SLC13A3: variants seen among roughly 807,000 people sequenced by gnomAD.
SLC13A3 encodes the protein solute carrier family 13 member 3.
In SLC13A3, 40 loss-of-function variants were observed where a neutral mutation model predicts 59.0. That is an observed-to-expected ratio of 0.68 (90% CI 0.53 to 0.88). SLC13A3 has a LOEUF of 0.88. Ranked by LOEUF, SLC13A3 falls within the 40% of genes least tolerant of loss-of-function variation. The probability of loss-of-function intolerance (pLI) is 0.00; values close to 1 mark genes in which losing one functional copy is unlikely to be tolerated. For missense variants in SLC13A3, 699 were observed against 783.2 expected, an observed-to-expected ratio of 0.89 and a Z score of 1.28; for synonymous variants, 317 against 330.3, an observed-to-expected ratio of 0.96 and a Z score of 0.44.
chr20:46,600,988 C>T (rs2062374794), intron 3 of SLC13A3, among the ~76,000 whole-genome samples: 1 of 152,012 alleles, frequency 6.6e-6, no homozygotes, highest in Non-Finnish European at 1.5e-5. Context: ...CTATGAAGAG[C>T]CCTGGGAAAA....
At chr20:46,636,349 C>T (rs147979794) in intron 1 of SLC13A3, among the ~76,000 whole-genome samples, 152 of 152,310 alleles carry the variant, frequency 1.0e-3, no homozygotes, top group African/African-American at 3.6e-3. Context: ...GACTGTCTGC[C>T]ATGTCCCCCT....
chr20:46,563,975 T>A (rs2061957619), intron 11 of SLC13A3, among the ~76,000 whole-genome samples: 1 of 152,218 alleles, frequency 6.6e-6, no homozygotes, highest in Non-Finnish European at 1.5e-5. Context: ...AAAGCCCACA[T>A]GGCTGGCCCC....
chr20:46,589,737 G>C (rs1338039102), intron 6 of SLC13A3, among the ~76,000 whole-genome samples: 1 of 152,212 alleles, frequency 6.6e-6, no homozygotes, highest in East Asian at 1.9e-4. Flanking sequence ...TACCAAGACT[G>C]AATAGTGGGG....
At chr20:46,633,168 C>T (rs919458772) in intron 1 of SLC13A3, among the ~76,000 whole-genome samples, 7 of 152,054 alleles carry the variant, frequency 4.6e-5, no homozygotes, top group Admixed American at 2.0e-4. Flanking sequence ...CACATATATA[C>T]GGACCCCAAA....
chr20:46,628,430 C>G (rs1395443926), intron 1 of SLC13A3, among the ~76,000 whole-genome samples: 1 of 152,154 alleles, frequency 6.6e-6, no homozygotes, highest in Admixed American at 6.5e-5. Flanking sequence ...GCCAGTGGGA[C>G]TCAGCTAAAA....
intron 1 of SLC13A3, among the ~76,000 whole-genome samples, chr20:46,677,123 A>G (rs537969659): frequency 1.1e-4 from 17 of 152,326 alleles, no homozygotes; most frequent in Admixed American, 7.2e-4. Context: ...CATGTTGGCC[A>G]GACTGGACTT....
intron 1 of SLC13A3, among the ~76,000 whole-genome samples, chr20:46,657,724 G>A (rs1315366793): frequency 6.6e-6 from 1 of 152,172 alleles, no homozygotes. Context: ...ATGAAACATG[G>A]CGCTGTCATC....
chr20:46,584,704 C>T (rs752477513), intron 8 of SLC13A3, among the ~76,000 whole-genome samples: 6 of 152,164 alleles, frequency 3.9e-5, no homozygotes, highest in Non-Finnish European at 7.3e-5. Flanking sequence ...CCAGTTTAAC[C>T]TCCTGGGGCA....
intron 1 of SLC13A3, among the ~76,000 whole-genome samples, chr20:46,621,651 G>A (rs1042471203): frequency 6.6e-6 from 1 of 152,242 alleles, no homozygotes; most frequent in South Asian, 2.1e-4. Context: ...CATTCTGCAC[G>A]GACAGAATAA....
chr20:46,627,126 CT>C (rs1304725246), intron 1 of SLC13A3, among the ~76,000 whole-genome samples: 1 of 152,236 alleles, frequency 6.6e-6, no homozygotes, highest in Non-Finnish European at 1.5e-5. Flanking sequence ...CAAACAGGGC[CT>C]TTTCTGTCTT....
At chr20:46,592,956 C>A (rs1159473595) in intron 5 of SLC13A3, among the ~76,000 whole-genome samples, 1 of 152,190 alleles carries the variant, frequency 6.6e-6, no homozygotes, top group African/African-American at 2.4e-5. Context: ...TAAATGTTGA[C>A]AATTCATGAA....
chr20:46,673,806 T>C (rs1056056867), upstream of SLC13A3: 6 of 152,112 alleles, frequency 3.9e-5, no homozygotes, highest in Non-Finnish European at 5.9e-5. Flanking sequence ...GCAATAAATA[T>C]TGAAGGATGA....
intron 4 of SLC13A3, among the ~76,000 whole-genome samples, chr20:46,597,851 G>A (rs115379257): frequency 6.6e-6 from 1 of 152,278 alleles, no homozygotes; most frequent in African/African-American, 2.4e-5. Context: ...TATTTCAAGA[G>A]TATTTTTTGA....
In SLC13A3 at chr20:46,667,873, G is replaced by A. The variant is rs2063069990; in HGVS notation, c.-31+2170C>T. Among the ~76,000 whole-genome samples, 3 of 152,122 alleles carry A rather than the reference G, an allele frequency of 2.0e-5. No homozygotes were observed. In the South Asian group the frequency reaches 6.2e-4, roughly 32 times the overall value. ...TTCTAGGTCACATTTTGGTAATCTT[G>A]CACAATTTCAAACTTTTTTTATGAT... On this transcript the variant is annotated intron_variant, in intron 1 of 12. Transcript: ENST00000290317.
chr20:46,677,242 T>G (rs762431797), intron 1 of SLC13A3, among the ~76,000 whole-genome samples: 6 of 152,180 alleles, frequency 3.9e-5, no homozygotes, highest in Non-Finnish European at 8.8e-5. Flanking sequence ...ACAACATAAA[T>G]ACTGAAAAGT....
chr20:46,629,193 A>G lies in SLC13A3; in HGVS notation c.112-15468T>C, dbSNP rs1021733796. ...GGCATCCTCTGAATACACAAGTGAT[A>G]TATCTGTAAAATTATTGGGTTACAT... On this transcript the variant is annotated intron_variant, in intron 1 of 12. Coordinates refer to ENST00000279027, the MANE Select transcript of SLC13A3 (RefSeq NM_022829.6). Among the ~76,000 whole-genome samples the G allele has an allele frequency of 2.6e-5, 4 of 152,232 alleles. No homozygotes were observed. The South Asian group carries it at 6.2e-4, about 24-fold the overall frequency.
At chr20:46,651,497 GA>G, upstream of SLC13A3, 1 of 1,349,918 alleles carries the variant, frequency 7.4e-7, no homozygotes, top group Non-Finnish European at 9.4e-7. Flanking sequence ...AAGCCTGGGG[GA>G]GGGTCGGGGA....
chr20:46,618,580 G>A (rs1489011440), intron 1 of SLC13A3, among the ~76,000 whole-genome samples: 1 of 152,170 alleles, frequency 6.6e-6, no homozygotes, highest in Non-Finnish European at 1.5e-5. Flanking sequence ...CATAAAAAGG[G>A]CCTAAGAGCC....
At chr20:46,605,560 T>G (rs2062430164) in intron 3 of SLC13A3, among the ~76,000 whole-genome samples, 2 of 152,158 alleles carry the variant, frequency 1.3e-5, no homozygotes, top group African/African-American at 4.8e-5. Flanking sequence ...CCAAGCAGCC[T>G]TACAGAGCTA....
Sources: allele counts gnomAD v4.1 joint callset (sites outside exome capture counted in the v4.1 genomes callset), GRCh38; gene constraint gnomAD v4.1.1; transcripts MANE v1.5; gene names NCBI Gene and HGNC (gene_info 2026-07-23, HGNC 2026-07-21).